TULP4: variants seen among roughly 807,000 people sequenced by gnomAD.
TULP4 encodes the protein tubby-related protein 4.
A neutral mutation model predicts 129.0 loss-of-function variants in TULP4; 16 were observed. That is an observed-to-expected ratio of 0.12 (90% CI 0.08 to 0.19). The LOEUF (loss-of-function observed/expected upper bound fraction) is 0.19, where lower values mean the gene tolerates loss of function less well. TULP4 is among the 10% of genes least tolerant of loss of function. The probability of loss-of-function intolerance (pLI) is 1.00; values close to 1 mark genes in which losing one functional copy is unlikely to be tolerated. For missense variants in TULP4, 1,842 were observed against 2,059.1 expected, an observed-to-expected ratio of 0.89 and a Z score of 2.04; for synonymous variants, 998 against 854.0, an observed-to-expected ratio of 1.17 and a Z score of -2.94.
intron 1 of TULP4, among the ~76,000 whole-genome samples, chr6:158,331,892 C>A (rs1198153255): frequency 6.8e-6 from 1 of 147,642 alleles, no homozygotes; most frequent in Non-Finnish European, 1.5e-5. Flanking sequence ...TAATTAACTG[C>A]CGGGCACGGT....
At chr6:158,345,018 T>A (rs1780267280) in intron 1 of TULP4, among the ~76,000 whole-genome samples, 1 of 152,214 alleles carries the variant, frequency 6.6e-6, no homozygotes. Flanking sequence ...GGATGGAAGA[T>A]CAAACAGCTC....
intron 1 of TULP4, among the ~76,000 whole-genome samples, chr6:158,402,111 T>C (rs1271349199): frequency 3.3e-5 from 5 of 152,216 alleles, no homozygotes; most frequent in Admixed American, 3.3e-4. Context: ...AATAAAATTC[T>C]TTTGAGCTGC....
In TULP4 at chr6:158,313,661, A is replaced by G; in HGVS notation, c.-356A>G. The G allele has an allele frequency of 2.3e-6, 1 of 443,700 alleles. No individual in the cohort carries two copies. Among genetic ancestry groups the G allele is most frequent in the South Asian group, 6.9e-5 (1 of 14,428 alleles). 27.5% of individuals were successfully genotyped at this position (443,700 alleles called of 1,614,324 possible). On this transcript the variant is annotated 5_prime_UTR_variant, in exon 1 of 14. Coordinates refer to ENST00000367097, the MANE Select transcript of TULP4 (RefSeq NM_020245.5). ...AGGCTGAATGAGAATAACCAAGTGG[A>G]GTAAAAAGAAGAAAACCGTTTCTTG...
intron 1 of TULP4, among the ~76,000 whole-genome samples, chr6:158,361,750 A>C (rs1780794828): frequency 6.6e-6 from 1 of 152,238 alleles, no homozygotes; most frequent in African/African-American, 2.4e-5. Flanking sequence ...CATGTTAGGA[A>C]AATCTCTTGG....
At position 158,492,343 on chromosome 6, in the gene TULP4, C is replaced by T. The variant is rs530803466; in HGVS notation, c.1632-1230C>T. ...CAGCTTTCTAGTTTTAGCTTTCATG[C>T]TTATGGATTAATTTTTGTGTTTGGT... On this transcript the variant is annotated intron_variant, in intron 9 of 13. Transcript: ENST00000367097. Among the ~76,000 whole-genome samples, 55 of 152,266 alleles carry T rather than the reference C, an allele frequency of 3.6e-4. 2 individuals are homozygous for T. In the South Asian group the frequency reaches 0.011, roughly 29 times the overall value.
intron 1 of TULP4, among the ~76,000 whole-genome samples, chr6:158,240,613 T>C (rs1474389561): frequency 1.1e-5 from 1 of 89,364 alleles, no homozygotes; most frequent in Non-Finnish European, 2.5e-5. Flanking sequence ...GAGGCGCCCC[T>C]CACCTCCCAG....
At chr6:158,339,159 T>A (rs1464940326) in intron 1 of TULP4, among the ~76,000 whole-genome samples, 5 of 152,008 alleles carry the variant, frequency 3.3e-5, no homozygotes, top group African/African-American at 1.2e-4. Context: ...AAGAGAGAAA[T>A]TTTAAAGCTG....
intron 1 of TULP4, among the ~76,000 whole-genome samples, chr6:158,305,033 A>C (rs921562553): frequency 4.6e-5 from 7 of 151,942 alleles, no homozygotes; most frequent in African/African-American, 1.7e-4. Flanking sequence ...TTTTGCAACC[A>C]TTTGCCTTCA....
intron 3 of TULP4, among the ~76,000 whole-genome samples, chr6:158,432,452 C>CT (rs1778652960): frequency 6.6e-6 from 1 of 152,188 alleles, no homozygotes; most frequent in Admixed American, 6.5e-5. Flanking sequence ...TCCCTGAGAA[C>CT]TTTCTGCCTT....
intron 1 of TULP4, among the ~76,000 whole-genome samples, chr6:158,288,900 A>G (rs759071281): frequency 1.4e-4 from 22 of 152,330 alleles, no homozygotes; most frequent in Middle Eastern, 3.4e-3. Flanking sequence ...AATAGATTAT[A>G]TTTCTAATTA....
intron 1 of TULP4, among the ~76,000 whole-genome samples, chr6:158,260,807 T>C (rs1778338178): frequency 1.4e-5 from 2 of 148,052 alleles, no homozygotes; most frequent in South Asian, 4.2e-4. Flanking sequence ...AAAAGTGTAT[T>C]TCTTTTCTTT....
At chr6:158,275,567 A>G (rs946574995) in intron 1 of TULP4, among the ~76,000 whole-genome samples, 4 of 152,138 alleles carry the variant, frequency 2.6e-5, no homozygotes, top group Admixed American at 1.3e-4. Flanking sequence ...ATTCTAACCC[A>G]CGGCAGCGCT....
intron 1 of TULP4, among the ~76,000 whole-genome samples, chr6:158,343,078 G>C (rs1377583339): frequency 1.3e-5 from 2 of 152,020 alleles, no homozygotes; most frequent in Non-Finnish European, 2.9e-5. Flanking sequence ...GGGGGTTCCT[G>C]TGATGGCGTG....
intron 1 of TULP4, among the ~76,000 whole-genome samples, chr6:158,328,035 C>G (rs1779783864): frequency 6.6e-6 from 1 of 151,424 alleles, no homozygotes; most frequent in African/African-American, 2.4e-5. Context: ...AACTTCCAGT[C>G]ACACACCTGT....
chr6:158,495,142 A>T (rs1274919275), intron 11 of TULP4, among the ~76,000 whole-genome samples: 1 of 151,554 alleles, frequency 6.6e-6, no homozygotes, highest in African/African-American at 2.4e-5. Context: ...TGCAGCCTTG[A>T]CCTGGGCTCA....
chr6:158,311,115 T>G (rs144582422), upstream of TULP4, among the ~76,000 whole-genome samples: 567 of 152,324 alleles, frequency 3.7e-3, no homozygotes, highest in Middle Eastern at 0.01. Flanking sequence ...CCTAGTATTA[T>G]GATGAAAGTA....
At chr6:158,280,494 G>A (rs1583700587), upstream of TULP4, among the ~76,000 whole-genome samples, 1 of 152,190 alleles carries the variant, frequency 6.6e-6, no homozygotes, top group East Asian at 1.9e-4. Flanking sequence ...AAATTCTTCA[G>A]TGAAATTAAC....
At chr6:158,458,752 C>G (rs529520289) in intron 5 of TULP4, among the ~76,000 whole-genome samples, 39 of 152,246 alleles carry the variant, frequency 2.6e-4, no homozygotes, top group African/African-American at 8.7e-4. Flanking sequence ...TGAGTATTTT[C>G]TTTTACTTTG....
intron 12 of TULP4, among the ~76,000 whole-genome samples, chr6:158,499,465 G>A (rs1212203062): frequency 1.3e-5 from 2 of 152,200 alleles, no homozygotes; most frequent in Non-Finnish European, 2.9e-5. Context: ...TCCCAGTGGG[G>A]GGATTCTTAA....
Sources: gnomAD v4.1 joint callset for allele counts (sites outside exome capture counted in the v4.1 genomes callset) on GRCh38, gnomAD v4.1.1 for gene constraint, MANE v1.5 for transcripts, NCBI Gene and HGNC (gene_info 2026-07-23, HGNC 2026-07-21) for gene names.